KAZN: variants seen among roughly 807,000 people sequenced by gnomAD.
KAZN encodes the protein kazrin, periplakin interacting protein, also known as kazrin.
KAZN carries 40 observed loss-of-function variants against 87.4 expected under a neutral mutation model. That is an observed-to-expected ratio of 0.46 (90% confidence interval 0.36 to 0.60). The LOEUF is 0.60. Among genes scored for constraint, KAZN ranks in the 20% least tolerant of loss-of-function variants. KAZN has a pLI of 0.00. For missense variants in KAZN, 898 were observed against 1,073.9 expected (o/e 0.84, Z 2.29); for synonymous variants, 466 against 458.3 (o/e 1.02, Z -0.22).
chr1:15,001,692 A>G (rs1435544172), intron 2 of KAZN, among the ~76,000 whole-genome samples: 1 of 151,894 alleles, frequency 6.6e-6, no homozygotes, highest in Admixed American at 6.6e-5. Context: ...TGCCTCCTTC[A>G]ACTGCTGGAG....
At chr1:14,307,154 G>A (rs777769393) in intron 2 of KAZN, among the ~76,000 whole-genome samples, 28 of 152,186 alleles carry the variant, frequency 1.8e-4, no homozygotes, top group Non-Finnish European at 3.8e-4. Context: ...CTGCCTCCTC[G>A]TGAAGTCCTG....
intron 1 of KAZN, among the ~76,000 whole-genome samples, chr1:14,027,779 C>T (rs1641144468): frequency 6.6e-6 from 1 of 152,180 alleles, no homozygotes; most frequent in Non-Finnish European, 1.5e-5. Context: ...TCCCTTTTCT[C>T]AATCGATATT....
At chr1:14,078,236 C>T (rs934999133) in intron 1 of KAZN, among the ~76,000 whole-genome samples, 9 of 152,150 alleles carry the variant, frequency 5.9e-5, no homozygotes, top group African/African-American at 2.2e-4. Flanking sequence ...TTCTTCCTGG[C>T]AGTTATTCTT....
At chr1:13,969,780 C>T (rs940320392) in intron 1 of KAZN, among the ~76,000 whole-genome samples, 3 of 152,074 alleles carry the variant, frequency 2.0e-5, no homozygotes, top group African/African-American at 7.2e-5. Context: ...GGATGTGTGC[C>T]CAGCACACAC....
intron 1 of KAZN, among the ~76,000 whole-genome samples, chr1:14,004,964 T>C (rs1309736092): frequency 1.3e-5 from 2 of 151,482 alleles, no homozygotes; most frequent in Non-Finnish European, 2.9e-5. Flanking sequence ...TGTGCCACCA[T>C]GGGATGCCAC....
chr1:14,711,472 G>T (rs1162611602), intron 1 of KAZN, among the ~76,000 whole-genome samples: 1 of 152,174 alleles, frequency 6.6e-6, no homozygotes, highest in African/African-American at 2.4e-5. Context: ...GCAGGTTCTA[G>T]CATGGTTCCC....
At chr1:14,420,972 G>A (rs1181383781) in intron 2 of KAZN, among the ~76,000 whole-genome samples, 1 of 150,978 alleles carries the variant, frequency 6.6e-6, no homozygotes, top group East Asian at 1.9e-4. Context: ...CAGAGAGGGG[G>A]CTCCCACAGT....
intron 2 of KAZN, among the ~76,000 whole-genome samples, chr1:14,271,089 A>C (rs2100682687): frequency 6.6e-6 from 1 of 152,296 alleles, no homozygotes; most frequent in Admixed American, 6.5e-5. Flanking sequence ...GCTACTCCGA[A>C]GGCTCTCTCC....
exon 2 of KAZN, chr1:14,180,555 C>A: frequency 6.5e-7 from 1 of 1,550,320 alleles, no homozygotes; most frequent in Non-Finnish European, 8.7e-7. Flanking sequence ...CTGAAGAGTT[C>A]CATGATATTG....
intron 1 of KAZN, among the ~76,000 whole-genome samples, chr1:14,843,902 G>A (rs975429411): frequency 2.6e-5 from 4 of 152,154 alleles, no homozygotes; most frequent in Admixed American, 2.0e-4. Context: ...CAACTCACTC[G>A]ACTGGACAAA....
rs957853306 is a variant in KAZN, at chr1:14,598,771, C to T, written c.-227C>T. On this transcript the variant is annotated 5_prime_UTR_variant, in exon 1 of 15. Transcript: ENST00000376030. The surrounding 1 kb of genome is among the most constrained non-coding windows in gnomAD (Gnocchi z 4.2). ...TCCTTCTCCTCCTCTTTTTTCTCCT[C>T]CGCCTCCTCCCCCCGCCGCCTCGCC... 6.9e-5 allele frequency: 93 copies of T among 1,348,744 alleles called. No homozygotes were observed. The African/African-American group carries it at 1.2e-3, about 17-fold the overall frequency. 83.5% of individuals were successfully genotyped at this position (1,348,744 alleles called of 1,614,324 possible).
intron 1 of KAZN, among the ~76,000 whole-genome samples, chr1:14,050,666 G>A (rs1246816241): frequency 1.3e-5 from 2 of 152,102 alleles, no homozygotes; most frequent in East Asian, 3.9e-4. Context: ...TGAGATTTGG[G>A]TGGGGATGCA....
chr1:14,756,949 T>A (rs1414748417), intron 1 of KAZN, among the ~76,000 whole-genome samples: 1 of 152,234 alleles, frequency 6.6e-6, no homozygotes, highest in Admixed American at 6.5e-5. Context: ...CATTTTTGAT[T>A]AAGTGTCCCT....
At chr1:14,836,940 ACTC>A (rs1647319334) in intron 1 of KAZN, among the ~76,000 whole-genome samples, 1 of 150,668 alleles carries the variant, frequency 6.6e-6, no homozygotes, top group Admixed American at 6.6e-5. Flanking sequence ...CTTCCCGTCC[ACTC>A]CTCCGCCCCC....
intron 1 of KAZN, among the ~76,000 whole-genome samples, chr1:14,108,964 G>A (rs756116087): frequency 6.6e-6 from 1 of 152,180 alleles, no homozygotes; most frequent in Non-Finnish European, 1.5e-5. Context: ...AAAAAATCGT[G>A]TGTATGAGTG....
At chr1:14,603,516 A>G (rs1479904096) in intron 1 of KAZN, among the ~76,000 whole-genome samples, 1 of 152,334 alleles carries the variant, frequency 6.6e-6, no homozygotes, top group East Asian at 1.9e-4. Flanking sequence ...ATTATTTACT[A>G]TCTTTCCATT....
chr1:14,105,483 C>G (rs1399509374), intron 1 of KAZN, among the ~76,000 whole-genome samples: 1 of 152,164 alleles, frequency 6.6e-6, no homozygotes, highest in East Asian at 1.9e-4. Context: ...CTGAGCCTTG[C>G]CTTGTCCTGG....
chr1:14,953,435 C>T (rs1342312921), intron 1 of KAZN, among the ~76,000 whole-genome samples: 2 of 152,214 alleles, frequency 1.3e-5, no homozygotes, highest in Non-Finnish European at 2.9e-5. Flanking sequence ...GTGTCCAAAC[C>T]CTGGCTCTGC....
chr1:14,271,197 T>A (rs2100682999), intron 2 of KAZN, among the ~76,000 whole-genome samples: 1 of 152,308 alleles, frequency 6.6e-6, no homozygotes, highest in East Asian at 1.9e-4. Context: ...ACCAGCCATA[T>A]TGGATTAGGG....
Sources: gnomAD v4.1 joint callset for allele counts (sites outside exome capture counted in the v4.1 genomes callset) on GRCh38, gnomAD v4.1.1 for gene constraint, Gnocchi (gnomAD v3.1) non-coding constraint, MANE v1.5 for transcripts, NCBI Gene and HGNC (gene_info 2026-07-23, HGNC 2026-07-21) for gene names.